The following FCHSD2 variants were observed in gnomAD, a reference collection of about 807,000 sequenced individuals.
FCHSD2 encodes the protein FCH and double SH3 domains 2.
Under a neutral mutation model 108.1 loss-of-function variants are expected in FCHSD2, and 38 were observed. The ratio of observed to expected loss-of-function variants is 0.35; its 90% CI spans 0.27 to 0.46. The LOEUF is 0.46. Ranked by LOEUF, FCHSD2 falls within the 20% of genes least tolerant of loss-of-function variation. The pLI, the probability that FCHSD2 is intolerant of heterozygous loss-of-function variation, is 1.00. For synonymous variants in FCHSD2, 279 were observed against 314.7 expected, an observed-to-expected ratio of 0.89 and a Z score of 1.20; for missense variants, 751 against 897.8, an observed-to-expected ratio of 0.84 and a Z score of 2.09.
At chr11:73,106,714 C>T (rs79959847) in intron 2 of FCHSD2, among the ~76,000 whole-genome samples, 1,759 of 152,124 alleles carry the variant, frequency 0.012, 40 homozygotes, top group African/African-American at 0.04. Context: ...GTTTTTTCTA[C>T]GTTCAGAATC....
At chr11:73,003,089 C>G (rs1341774285) in intron 4 of FCHSD2, among the ~76,000 whole-genome samples, 1 of 151,950 alleles carries the variant, frequency 6.6e-6, no homozygotes, top group Non-Finnish European at 1.5e-5. Flanking sequence ...AAAAAGAGAC[C>G]TTTAGAGTTT....
At chr11:72,873,349 C>T (rs1854903325) in intron 12 of FCHSD2, among the ~76,000 whole-genome samples, 2 of 151,524 alleles carry the variant, frequency 1.3e-5, no homozygotes, top group Non-Finnish European at 2.9e-5. Context: ...AAAAATGAAT[C>T]TTTTCATGTG....
intron 10 of FCHSD2, among the ~76,000 whole-genome samples, chr11:72,892,908 A>ATTT (rs5792606): frequency 3.3e-5 from 5 of 150,942 alleles, no homozygotes; most frequent in Non-Finnish European, 5.9e-5. Flanking sequence ...GTGGCTGGTA[A>ATTT]TTTTTTTTTT....
At chr11:72,984,335 G>T (rs1221529676) in intron 7 of FCHSD2, 119 bp from the exon 8 acceptor site, 3 of 823,468 alleles carry the variant, frequency 3.6e-6, no homozygotes, top group African/African-American at 3.4e-5. Flanking sequence ...GTAACCACGT[G>T]CGGAAAACAT....
chr11:73,102,934 T>C (rs990647602), intron 2 of FCHSD2, among the ~76,000 whole-genome samples: 3 of 152,158 alleles, frequency 2.0e-5, no homozygotes, highest in Non-Finnish European at 4.4e-5. Context: ...TAAATATTAA[T>C]ATACACAACA....
intron 4 of FCHSD2, among the ~76,000 whole-genome samples, chr11:73,013,933 C>A (rs1406387660): frequency 6.6e-6 from 1 of 152,028 alleles, no homozygotes; most frequent in Non-Finnish European, 1.5e-5. Flanking sequence ...TAAGTTGGAT[C>A]CTTCTTTACT....
At chr11:73,065,404 T>C (rs1859268136) in intron 3 of FCHSD2, among the ~76,000 whole-genome samples, 1 of 152,216 alleles carries the variant, frequency 6.6e-6, no homozygotes, top group African/African-American at 2.4e-5. Flanking sequence ...AATATCATAC[T>C]GAATGGGCAA....
At chr11:72,879,015 CA>C in intron 12 of FCHSD2, among the ~76,000 whole-genome samples, 1 of 152,152 alleles carries the variant, frequency 6.6e-6, no homozygotes, top group Middle Eastern at 3.4e-3. Flanking sequence ...GAAGCTGAGG[CA>C]GGGGAACTGC....
chr11:72,893,479 T>C (rs1565309587), intron 10 of FCHSD2, among the ~76,000 whole-genome samples: 5 of 152,024 alleles, frequency 3.3e-5, no homozygotes, highest in Non-Finnish European at 7.4e-5. Context: ...CACACGCAGA[T>C]AATTTTTTTG....
intron 7 of FCHSD2, among the ~76,000 whole-genome samples, chr11:72,984,675 G>C (rs1339689359): frequency 1.3e-5 from 2 of 152,196 alleles, no homozygotes; most frequent in Non-Finnish European, 2.9e-5. Flanking sequence ...GCATTCCACA[G>C]TGTGAAGTTT....
chr11:73,059,551 G>A (rs1859113515), intron 3 of FCHSD2, among the ~76,000 whole-genome samples: 1 of 152,090 alleles, frequency 6.6e-6, no homozygotes, highest in Non-Finnish European at 1.5e-5. Flanking sequence ...CTTGTACTAA[G>A]TTTATTTTGC....
chr11:73,080,960 A>AAAAATAAAATAAAATAAAAT (rs376421601), intron 3 of FCHSD2, among the ~76,000 whole-genome samples: 6 of 151,872 alleles, frequency 4.0e-5, no homozygotes, highest in African/African-American at 1.2e-4. Context: ...AAAAAACAAC[A>AAAAATAAAATAAAATAAAAT]AAAATAAAAT....
intron 3 of FCHSD2, among the ~76,000 whole-genome samples, chr11:73,052,680 C>A (rs1858929616): frequency 6.6e-6 from 1 of 152,000 alleles, no homozygotes; most frequent in African/African-American, 2.4e-5. Flanking sequence ...GTGAATTGGA[C>A]AATTGGATTT....
In FCHSD2 at chr11:73,052,014, T is replaced by C. The variant is rs79378475; in HGVS notation, c.165+31681A>G. Reference sequence around the variant, plus strand: ...AAAGAACCAATTTCCAATGACACCATAGTCTGATGAATTCAGGAACTGGTT... The same window carrying C: ...AAAGAACCAATTTCCAATGACACCACAGTCTGATGAATTCAGGAACTGGTT... On this transcript the variant is annotated intron_variant, in intron 3 of 19. Transcript: ENST00000409418. Among the ~76,000 whole-genome samples, 200 of 152,174 alleles carry C rather than the reference T, an allele frequency of 1.3e-3. 1 individual carries two copies. Among genetic ancestry groups the C allele is most frequent in the African/African-American group, 4.7e-3 (193 of 41,504 alleles).
At chr11:73,067,652 A>G (rs147220007) in intron 3 of FCHSD2, among the ~76,000 whole-genome samples, 463 of 152,304 alleles carry the variant, frequency 3.0e-3, no homozygotes, top group African/African-American at 0.011. Flanking sequence ...GCTGAAAAGG[A>G]ACAAGTGCAA....
intron 16 of FCHSD2, 129 bp downstream of exon 16, chr11:72,843,022 C>G (rs1361657392): frequency 1.0e-6 from 1 of 973,528 alleles, no homozygotes; most frequent in African/African-American, 1.6e-5. Context: ...CAAACGTGAC[C>G]ATATAAAGAA....
intron 3 of FCHSD2, among the ~76,000 whole-genome samples, chr11:73,033,771 A>T (rs1858422027): frequency 6.6e-6 from 1 of 152,210 alleles, no homozygotes; most frequent in Non-Finnish European, 1.5e-5. Flanking sequence ...TTTGCTGTGA[A>T]TTAGTTATGA....
chr11:72,897,991 C>G (rs1429477194), intron 10 of FCHSD2, among the ~76,000 whole-genome samples: 1 of 152,164 alleles, frequency 6.6e-6, no homozygotes, highest in Non-Finnish European at 1.5e-5. Flanking sequence ...CAGTAACTCT[C>G]TTATGGAAAT....
intron 10 of FCHSD2, among the ~76,000 whole-genome samples, chr11:72,891,105 A>G (rs1290431326): frequency 6.6e-6 from 1 of 151,440 alleles, no homozygotes; most frequent in Non-Finnish European, 1.5e-5. Flanking sequence ...CCTTCTAGAG[A>G]TAAGGTCTCA....
Sources: gnomAD v4.1 joint callset for allele counts (sites outside exome capture counted in the v4.1 genomes callset) on GRCh38, gnomAD v4.1.1 for gene constraint, MANE v1.5 for transcripts, NCBI Gene and HGNC (gene_info 2026-07-23, HGNC 2026-07-21) for gene names.